Variants in EHMT2 observed in about 807,000 individuals in gnomAD.
EHMT2 encodes histone-lysine N-methyltransferase EHMT2.
A neutral mutation model predicts 143.3 loss-of-function variants in EHMT2; 59 were observed. The ratio of observed to expected loss-of-function variants is 0.41; its 90% confidence interval spans 0.33 to 0.51. EHMT2 has a LOEUF of 0.51. EHMT2 is among the 20% of genes least tolerant of loss of function. The probability of loss-of-function intolerance (pLI) is 0.18; values close to 1 mark genes in which losing one functional copy is unlikely to be tolerated. For synonymous variants in EHMT2, 604 were observed against 651.5 expected (o/e 0.93, Z 1.11); for missense variants, 1,174 against 1,645.9 (o/e 0.71, Z 4.96).
rs369154689 is a variant in EHMT2 at position 31,892,424 on chromosome 6, C to T, written c.847G>A (p.Val283Met). The T allele has an allele frequency of 6.5e-5, 105 of 1,612,788 alleles. No individual in the cohort carries two copies. Among genetic ancestry groups the T allele is most frequent in the Admixed American group, 2.7e-4 (16 of 59,982 alleles). ...TGTCTCACCTTGCTGTCGGAGTCCA[C>T]GCGCTCATCCACAGAGTAGGAATCA... Residue 283 changes from valine (V) to methionine (M), a missense_variant, in exon 7 of 28, where the codon GTG becomes ATG. Physicochemically the swap from Val to Met is conservative, Grantham distance 21 (BLOSUM62 1). This residue lies in a region of EHMT2 where 399 missense variants were observed against 404.4 expected (regional missense o/e 0.99). Transcript: ENST00000375537.
Position 31,888,712 on chromosome 6 carries a change from G to T in EHMT2, c.1252C>A (p.Arg418=). 1 of 1,613,644 alleles carries T rather than the reference G, an allele frequency of 6.2e-7. No homozygotes were observed. The highest frequency in any genetic ancestry group is 8.5e-7 in the Non-Finnish European group (1 of 1,180,010). ...CACAGGGGCAACTCCTCAAACCCTC[G>T]CTCTGTCTCCAGCGAAGATGTGTCA... is the stretch of plus-strand genomic sequence containing the variant. The change falls in exon 11 of 28, where the codon CGA becomes AGA. Residue 418 remains arginine (R), a synonymous_variant. Coordinates refer to ENST00000375537, the Ensembl canonical transcript of EHMT2. This position sits in a 1 kb window ranked among gnomAD's most constrained non-coding sequence, Gnocchi z 7.4.
At chr6:31,893,057 G>A (rs1242890178) in intron 4 of EHMT2, 147 bp from the exon 5 acceptor site, 2 of 586,736 alleles carry the variant, frequency 3.4e-6, no homozygotes, top group East Asian at 5.7e-5. Context: ...GGCAACCACG[G>A]GTGCTATTTC....
At position 31,888,087 on chromosome 6, in the gene EHMT2, G is replaced by A. The variant is rs1437894832; in HGVS notation, c.1699C>T (p.Pro567Ser). 1 of 1,608,236 alleles carries A rather than the reference G, an allele frequency of 6.2e-7. No individual in the cohort carries two copies. The highest frequency in any genetic ancestry group is 8.5e-7 in the Non-Finnish European group (1 of 1,177,770). Residue 567 changes from proline to serine, a missense_variant, in exon 13 of 28, where the codon CCC becomes TCC. Coordinates refer to ENST00000375537, the Ensembl canonical transcript of EHMT2. The surrounding 1 kb of genome is among the most constrained non-coding windows in gnomAD (Gnocchi z 7.4). ...CTCCCGGGGACATCCTGGGACAGGG[G>A]TGGGGGTGCAGGAGCTGCAGTGCCG...
At chr6:31,892,102 C>T (rs549128475) in intron 7 of EHMT2, among the ~76,000 whole-genome samples, 3 of 152,174 alleles carry the variant, frequency 2.0e-5, no homozygotes, top group Admixed American at 1.3e-4. Flanking sequence ...ATTAGCCGGG[C>T]GTGGTGGCAG....
exon 7 of EHMT2, chr6:31,892,438 G>A: frequency 1.2e-6 from 2 of 1,613,066 alleles, no homozygotes; most frequent in South Asian, 1.1e-5. Context: ...CTCATCCACA[G>A]AGTAGGAATC....
chr6:31,884,425 T>C lies in EHMT2; in HGVS notation c.2738A>G (p.Asn913Ser), dbSNP rs1454808428. The stretch of plus-strand genomic sequence containing the variant: ...GATCTTCTCTGTGCGGATGGCCCGA[T>C]TTCCCACCCCAAGTCGGAGCTTGCG... Residue 913 changes from asparagine to serine, a missense_variant, in exon 21 of 28, where the codon AAT (asparagine) becomes AGT (serine). This residue lies in a region of EHMT2 where 608 missense variants were observed against 903.7 expected (regional missense o/e 0.67). Transcript: ENST00000375537. This position sits in a 1 kb window ranked among gnomAD's most constrained non-coding sequence, Gnocchi z 7.3. 10 of 1,612,682 alleles carry C rather than the reference T, an allele frequency of 6.2e-6. No individual in the cohort carries two copies. Among genetic ancestry groups the C allele is most frequent in the Non-Finnish European group, 7.6e-6 (9 of 1,179,966 alleles).
chr6:31,883,803 C>G lies in EHMT2; in HGVS notation c.2916+3G>C. The G allele has an allele frequency of 6.2e-7, 1 of 1,613,630 alleles. No homozygotes were observed. Among genetic ancestry groups the G allele is most frequent in the Non-Finnish European group, 8.5e-7 (1 of 1,179,792 alleles). On this transcript the variant is annotated splice_donor_region_variant and intron_variant, in intron 22 of 27. Coordinates refer to ENST00000375537, the Ensembl canonical transcript of EHMT2. The surrounding 1 kb of genome is among the most constrained non-coding windows in gnomAD (Gnocchi z 5.6). ...TTGGGGAGGCCCCGGGCCCCCTACTCACCTGCAGGTGGGTGATGTTGCGAT... is the reference window on the plus strand; with the variant it reads ...TTGGGGAGGCCCCGGGCCCCCTACTGACCTGCAGGTGGGTGATGTTGCGAT...
exon 7 of EHMT2, chr6:31,892,493 C>G: frequency 6.2e-7 from 1 of 1,613,074 alleles, no homozygotes; most frequent in East Asian, 2.2e-5. Flanking sequence ...TCCCACTCCT[C>G]CAGGGACCCG....
Position 31,880,322 on chromosome 6 carries a change from C to T in EHMT2, c.3453-58G>A, listed in dbSNP as rs547948609. 735 of 1,576,522 alleles carry T rather than the reference C, an allele frequency of 4.7e-4. 1 individual carries two copies. Among genetic ancestry groups the T allele is most frequent in the South Asian group, 7.7e-4 (68 of 87,978 alleles). On this transcript the variant is annotated intron_variant, in intron 27 of 27. Transcript: ENST00000375537. The surrounding 1 kb of genome is among the most constrained non-coding windows in gnomAD (Gnocchi z 6.6). ...GGACCCAGCCACCAAGAGCCCACCC[C>T]GAAGACCCTGTGGATCCTGCTCCCT...
chr6:31,893,414 C>T (rs1458692505), intron 4 of EHMT2: 3 of 436,922 alleles, frequency 6.9e-6, no homozygotes, highest in Non-Finnish European at 1.4e-5. Context: ...TCGAACTGGA[C>T]TCAAGCCATT....
Position 31,888,935 on chromosome 6 carries a change from C to G in EHMT2, c.1216+34G>C. The G allele has an allele frequency of 6.4e-7, 1 of 1,569,612 alleles. No individual in the cohort carries two copies. Among genetic ancestry groups the G allele is most frequent in the Non-Finnish European group, 8.7e-7 (1 of 1,155,520 alleles). On this transcript the variant is annotated intron_variant, in intron 10 of 27. Transcript: ENST00000375537. This position sits in a 1 kb window ranked among gnomAD's most constrained non-coding sequence, Gnocchi z 7.4. Reference sequence around the variant, plus strand: ...TTCCCTCCTGCCCTGAGGTCGCCCCCTAGTGGCTCCCTGTCCCGGCAATTG... The same window carrying G: ...TTCCCTCCTGCCCTGAGGTCGCCCCGTAGTGGCTCCCTGTCCCGGCAATTG...
At chr6:31,896,419 T>C (rs759306646) in exon 4 of EHMT2, 6 of 1,612,986 alleles carry the variant, frequency 3.7e-6, no homozygotes, top group Non-Finnish European at 5.1e-6. Context: ...TCTGGACAGA[T>C]GGAGGTGATT....
chr6:31,888,413 G>A lies in EHMT2; in HGVS notation c.1459C>T (p.Arg487Cys), dbSNP rs781202940. The A allele has an allele frequency of 9.3e-6, 15 of 1,612,696 alleles. No homozygotes were observed. The highest frequency in any genetic ancestry group is 2.7e-5 in the African/African-American group (2 of 74,926). ...GGGCAGCAGTGGTGTTTGACCATGC[G>A]GGCGCGGTGGGTCTCACAGAGCACC... Residue 487 changes from arginine (R) to cysteine (C), a missense_variant, in exon 12 of 28, where the codon CGC (arginine) becomes TGC (cysteine). Transcript: ENST00000375537. The surrounding 1 kb of genome is among the most constrained non-coding windows in gnomAD (Gnocchi z 7.4).
intron 4 of EHMT2, chr6:31,893,320 A>G: frequency 2.2e-6 from 1 of 444,588 alleles, no homozygotes; most frequent in Non-Finnish European, 4.4e-6. Context: ...CATAAAAAGG[A>G]AAGATATACT....
At position 31,880,971 on chromosome 6, in the gene EHMT2, C is replaced by T; in HGVS notation, c.3276+43G>A. On this transcript the variant is annotated intron_variant, in intron 26 of 27. Coordinates refer to ENST00000375537, the Ensembl canonical transcript of EHMT2. This position sits in a 1 kb window ranked among gnomAD's most constrained non-coding sequence, Gnocchi z 6.6. ...CTGACTTCCCAGAGGCTCCTGAAAG[C>T]CAGCCCTGGGGAGCAGCAGGGTAAG... is the stretch of plus-strand genomic sequence containing the variant. The T allele has an allele frequency of 6.2e-7, 1 of 1,610,030 alleles. No homozygotes were observed. Among genetic ancestry groups the T allele is most frequent in the East Asian group, 2.2e-5 (1 of 44,876 alleles).
chr6:31,889,279 G>T lies in EHMT2; in HGVS notation c.1063C>A (p.Pro355Thr). The T allele has an allele frequency of 6.2e-7, 1 of 1,612,196 alleles. No homozygotes were observed. The change falls in exon 9 of 28, where the codon CCG (proline) becomes ACG (threonine). Residue 355 changes from proline (P) to threonine (T), a missense_variant. By Grantham distance (38) the Pro-to-Thr change is conservative. Coordinates refer to ENST00000375537, the Ensembl canonical transcript of EHMT2. The surrounding 1 kb of genome is among the most constrained non-coding windows in gnomAD (Gnocchi z 5.1). Reference sequence around the variant, plus strand: ...TCCCGCTTGCGCCGTTTCCGAGACGGCTTCACCCATGGGCTGTCTTTTCGC... The same window carrying T: ...TCCCGCTTGCGCCGTTTCCGAGACGTCTTCACCCATGGGCTGTCTTTTCGC...
Position 31,889,900 on chromosome 6 carries a change from T to G in EHMT2, c.865-298A>C, listed in dbSNP as rs1765468040. On this transcript the variant is annotated intron_variant, in intron 7 of 27. Transcript: ENST00000375537. The surrounding 1 kb of genome is among the most constrained non-coding windows in gnomAD (Gnocchi z 5.1). ...TTTGATACCCCTTTTATGATGTTCATAAACAGGCAAGACCACCAATGGTTG... is the reference window on the plus strand; with the variant it reads ...TTTGATACCCCTTTTATGATGTTCAGAAACAGGCAAGACCACCAATGGTTG... Among the ~76,000 whole-genome samples the G allele has an allele frequency of 6.6e-6, 1 of 152,198 alleles. No individual in the cohort carries two copies. Among genetic ancestry groups the G allele is most frequent in the Admixed American group, 6.5e-5 (1 of 15,276 alleles).
At chr6:31,893,062 T>C in intron 4 of EHMT2, 152 bp from the exon 5 acceptor site, 1 of 587,276 alleles carries the variant, frequency 1.7e-6, no homozygotes, top group East Asian at 2.8e-5. Context: ...CCACGGGTGC[T>C]ATTTCCTCAG....
Position 31,882,805 on chromosome 6 carries a change from C to A in EHMT2, c.3111-20G>T. On this transcript the variant is annotated intron_variant, in intron 24 of 27. Transcript: ENST00000375537. ...CGCACCCTGGGGGTAGGAGAGATGG[C>A]GCTGTTGGGTGGAGGCCCTGGAAAA... 2 of 1,611,722 alleles carry A rather than the reference C, an allele frequency of 1.2e-6. No homozygotes were observed. The highest frequency in any genetic ancestry group is 1.7e-6 in the Non-Finnish European group (2 of 1,179,428).
Sources: allele counts gnomAD v4.1 joint callset (sites outside exome capture counted in the v4.1 genomes callset), GRCh38; gene constraint gnomAD v4.1.1; regional missense constraint gnomAD v4.1.1; non-coding constraint Gnocchi (gnomAD v3.1); transcripts MANE v1.5; gene names NCBI Gene and HGNC (gene_info 2026-07-23, HGNC 2026-07-21).